Variants in DLG2 observed in about 807,000 individuals in gnomAD.
DLG2 encodes disks large homolog 2.
A neutral mutation model predicts 132.5 loss-of-function variants in DLG2; 45 were observed. The observed-to-expected ratio is 0.34, with a 90% CI of 0.27 to 0.44. DLG2 has a LOEUF of 0.44. Among genes scored for constraint, DLG2 ranks in the 20% least tolerant of loss-of-function variants. The pLI is 1.00. For missense variants in DLG2, 1,045 were observed against 1,196.9 expected (o/e 0.87, Z 1.87); for synonymous variants, 424 against 419.6 (o/e 1.01, Z -0.13).
At chr11:84,095,787 G>A (rs1372839927) in intron 10 of DLG2, among the ~76,000 whole-genome samples, 1 of 152,200 alleles carries the variant, frequency 6.6e-6, no homozygotes, top group Non-Finnish European at 1.5e-5. Context: ...CATAGGCAAA[G>A]GCTGTAATGT....
intron 17 of DLG2, among the ~76,000 whole-genome samples, chr11:83,802,157 T>C (rs1218830661): frequency 6.6e-6 from 1 of 151,662 alleles, no homozygotes; most frequent in African/African-American, 2.4e-5. Context: ...GCCTCGCTAA[T>C]TAAAAAAAAA....
chr11:84,489,426 C>T (rs533933560), intron 7 of DLG2, among the ~76,000 whole-genome samples: 6 of 152,234 alleles, frequency 3.9e-5, no homozygotes, highest in African/African-American at 1.4e-4. Context: ...TCCCACTAAA[C>T]ACTCCATTCC....
At chr11:85,579,267 A>G (rs935777179) in intron 3 of DLG2, among the ~76,000 whole-genome samples, 3 of 152,146 alleles carry the variant, frequency 2.0e-5, no homozygotes, top group African/African-American at 7.2e-5. Flanking sequence ...AGAATAAGGA[A>G]AAATAACTAA....
intron 8 of DLG2, among the ~76,000 whole-genome samples, chr11:84,230,816 T>G (rs546800305): frequency 9.2e-5 from 14 of 152,262 alleles, no homozygotes; most frequent in African/African-American, 3.4e-4. Context: ...AAATTAACAG[T>G]GGAGACAAGG....
intron 5 of DLG2, among the ~76,000 whole-genome samples, chr11:85,115,424 A>G (rs1299264087): frequency 1.1e-4 from 16 of 151,972 alleles, no homozygotes; most frequent in Non-Finnish European, 1.0e-4. Context: ...AAGAGTCAGT[A>G]TCTGCCTAAA....
intron 6 of DLG2, among the ~76,000 whole-genome samples, chr11:84,789,848 G>C (rs1326850630): frequency 1.3e-5 from 2 of 151,994 alleles, no homozygotes; most frequent in African/African-American, 2.4e-5. Flanking sequence ...TTTTCTTTCT[G>C]TGCCTGGCCT....
chr11:85,458,738 A>G (rs528997869), intron 3 of DLG2, among the ~76,000 whole-genome samples: 4 of 152,358 alleles, frequency 2.6e-5, no homozygotes, highest in Admixed American at 6.5e-5. Context: ...TGGCACTTAC[A>G]CATAGTGGCC....
At chr11:83,703,256 G>T (rs190942416) in intron 18 of DLG2, among the ~76,000 whole-genome samples, 3 of 152,220 alleles carry the variant, frequency 2.0e-5, no homozygotes, top group Admixed American at 6.5e-5. Context: ...ACCCACTGAT[G>T]AAAAAAACAG....
intron 7 of DLG2, 129 bp downstream of exon 7, chr11:84,534,441 C>G (rs1292619493): frequency 3.3e-6 from 3 of 906,072 alleles, no homozygotes; most frequent in Non-Finnish European, 5.1e-6. Context: ...AAGAAAGACC[C>G]TTTGGCAACC....
intron 6 of DLG2, among the ~76,000 whole-genome samples, chr11:84,694,782 C>A (rs532947528): frequency 6.6e-6 from 1 of 151,608 alleles, no homozygotes; most frequent in South Asian, 2.1e-4. Context: ...AGATATTAAT[C>A]CAGAATCAGT....
intron 3 of DLG2, among the ~76,000 whole-genome samples, chr11:85,294,273 C>A (rs982176216): frequency 1.3e-5 from 2 of 151,558 alleles, no homozygotes; most frequent in African/African-American, 4.9e-5. Context: ...TGAAATACAC[C>A]ACTTTGAAAA....
At chr11:85,465,767 T>C (rs61907126) in intron 3 of DLG2, among the ~76,000 whole-genome samples, 1 of 151,610 alleles carries the variant, frequency 6.6e-6, no homozygotes, top group African/African-American at 2.4e-5. Context: ...AATAAACATA[T>C]GTGTGCATGT....
At chr11:83,600,638 A>T (rs1160724755) in intron 19 of DLG2, among the ~76,000 whole-genome samples, 1 of 152,206 alleles carries the variant, frequency 6.6e-6, no homozygotes, top group East Asian at 1.9e-4. Context: ...AGATGTGCAG[A>T]CTGGGGCCTC....
intron 8 of DLG2, among the ~76,000 whole-genome samples, chr11:84,216,781 C>T (rs1015077676): frequency 6.6e-6 from 1 of 152,136 alleles, no homozygotes; most frequent in Admixed American, 6.6e-5. Context: ...TTATATTGCT[C>T]ATAGTAATTC....
intron 9 of DLG2, among the ~76,000 whole-genome samples, chr11:84,162,714 A>C (rs963157675): frequency 6.6e-6 from 1 of 152,154 alleles, no homozygotes; most frequent in Non-Finnish European, 1.5e-5. Context: ...ACTGGCATTG[A>C]ATATTCACAT....
chr11:83,562,425 T>G (rs570709798), intron 19 of DLG2, among the ~76,000 whole-genome samples: 2 of 152,046 alleles, frequency 1.3e-5, no homozygotes, highest in East Asian at 3.9e-4. Context: ...GGGGGTACCA[T>G]TTACCCCTGA....
chr11:85,295,175 G>A (rs557915804), intron 3 of DLG2, among the ~76,000 whole-genome samples: 1 of 152,150 alleles, frequency 6.6e-6, no homozygotes, highest in Admixed American at 6.5e-5. Flanking sequence ...ATGTAGGAAC[G>A]TTGTCAATTC....
At chr11:84,826,887 T>G (rs1323983454) in intron 6 of DLG2, among the ~76,000 whole-genome samples, 2 of 151,876 alleles carry the variant, frequency 1.3e-5, no homozygotes, top group East Asian at 3.9e-4. Context: ...TCTTTCAATA[T>G]TTCTCCTTGT....
At chr11:84,934,682 T>A (rs895390747) in intron 6 of DLG2, among the ~76,000 whole-genome samples, 1 of 151,758 alleles carries the variant, frequency 6.6e-6, no homozygotes, top group Non-Finnish European at 1.5e-5. Context: ...CCTGGACACA[T>A]ACGCCCTTCC....
Sources: allele counts gnomAD v4.1 joint callset (sites outside exome capture counted in the v4.1 genomes callset), GRCh38; gene constraint gnomAD v4.1.1; transcripts MANE v1.5; gene names NCBI Gene and HGNC (gene_info 2026-07-23, HGNC 2026-07-21).